The following TNXB variants were observed in gnomAD, a reference collection of about 807,000 sequenced individuals.
The protein encoded by TNXB is tenascin-X.
In TNXB, 183 loss-of-function variants were observed where a neutral mutation model predicts 340.5. The observed-to-expected ratio is 0.54, with a 90% CI of 0.48 to 0.61. TNXB has a LOEUF of 0.61. TNXB is among the 20% of genes least tolerant of loss of function. The pLI is 0.00. For synonymous variants in TNXB, 2,121 were observed against 2,314.5 expected (o/e 0.92, Z 2.40); for missense variants, 4,613 against 5,446.4 (o/e 0.85, Z 4.82).
At chr6:32,100,001 C>T (rs1582486177) in intron 1 of TNXB, among the ~76,000 whole-genome samples, 1 of 149,304 alleles carries the variant, frequency 6.7e-6, no homozygotes, top group Admixed American at 6.7e-5. Flanking sequence ...TCTGATATAC[C>T]GAAATTAATT....
chr6:32,096,241 A>G lies in TNXB; in HGVS notation c.1612T>C (p.Cys538Arg), dbSNP rs1359428163. 1 of 1,569,000 alleles carries G rather than the reference A, an allele frequency of 6.4e-7. No homozygotes were observed. Among genetic ancestry groups the G allele is most frequent in the South Asian group, 1.2e-5 (1 of 85,914 alleles). The change falls in exon 3 of 44, where the codon TGC becomes CGC. Residue 538 changes from cysteine to arginine, a missense_variant. By Grantham distance (180) the Cys-to-Arg change is radical. Coordinates refer to ENST00000644971, the MANE Select transcript of TNXB (RefSeq NM_001365276.2). The stretch of plus-strand genomic sequence containing the variant: ...TCACACACGCACACGCCATCCTCGC[A>G]AAGGCCGTGCCCACGGCAGTCCCCG... ...CPGDCRGHGL[C>R]EDGVCVCDAG... is the part of the protein sequence containing the mutation.
rs2071293 is a variant in TNXB at position 32,094,910 on chromosome 6, G to A, written c.2358+166C>T. ...AATGCTTGCTGGAGATGCTGCAGAG[G>A]CCTCAGTGCCCAGTGTCAAGCAGGC... On this transcript the variant is annotated intron_variant, in intron 4 of 43. Transcript: ENST00000644971. Among the ~76,000 whole-genome samples the A allele has an allele frequency of 0.25, 37,781 of 152,050 alleles. 6,023 individuals carry two copies. Among genetic ancestry groups the A allele is most frequent in the Admixed American group, 0.37 (5,611 of 15,286 alleles).
In TNXB at chr6:32,056,825, G is replaced by A; in HGVS notation, c.7904C>T (p.Thr2635Ile). The A allele has an allele frequency of 1.2e-6, 2 of 1,613,112 alleles. No individual in the cohort carries two copies. The highest frequency in any genetic ancestry group is 1.7e-6 in the Non-Finnish European group (2 of 1,179,834). The stretch of plus-strand genomic sequence containing the variant: ...GGAGTCAGGGGTGGCATCTGTCATG[G>A]TCAGCTCCCCCAGGCGAGGCTTGAT... ...PPIKPRLGEL[T>I]MTDATPDSLS... Residue 2635 changes from threonine (T) to isoleucine (I), a missense_variant, in exon 23 of 44, where the codon ACC becomes ATC. Physicochemically the swap from Thr to Ile is moderately conservative, Grantham distance 89 (BLOSUM62 -1). This residue lies in a region of TNXB where 4,327 missense variants were observed against 4,859.4 expected (regional missense o/e 0.89). Transcript: ENST00000644971.
intron 21 of TNXB, among the ~76,000 whole-genome samples, chr6:32,060,342 AAAG>A (rs1451943869): frequency 6.6e-6 from 1 of 151,826 alleles, no homozygotes; most frequent in Non-Finnish European, 1.5e-5. Flanking sequence ...CAAAAAAAAA[AAAG>A]AAGGAAATAA....
In TNXB at chr6:32,053,543, C is replaced by T. The variant is rs1320494782; in HGVS notation, c.8636G>A (p.Arg2879Lys). 1 of 1,613,588 alleles carries T rather than the reference C, an allele frequency of 6.2e-7. No individual in the cohort carries two copies. Among genetic ancestry groups the T allele is most frequent in the Admixed American group, 1.7e-5 (1 of 60,012 alleles). Residue 2879 changes from arginine to lysine, a missense_variant, in exon 25 of 44, where the codon AGG becomes AAG. Around this residue, in one of 7 missense-constraint regions of TNXB, gnomAD observed 4,327 missense variants for 4,859.4 expected, o/e 0.89. Transcript: ENST00000644971. Reference sequence around the variant, plus strand: ...CACCTTGGGCTGCCCATCCCCATTCCTGTACTGGACCAGGAAGTGGTCAAA... The same window carrying T: ...CACCTTGGGCTGCCCATCCCCATTCTTGTACTGGACCAGGAAGTGGTCAAA... ...GQFDHFLVQY[R>K]NGDGQPKVVR...
chr6:32,097,640 G>T lies in TNXB; in HGVS notation c.403+156C>A. The T allele has an allele frequency of 9.1e-7, 1 of 1,104,716 alleles. No homozygotes were observed. The highest frequency in any genetic ancestry group is 1.3e-6 in the Non-Finnish European group (1 of 798,218). 68.4% of individuals were successfully genotyped at this position (1,104,716 alleles called of 1,614,324 possible). ...TCGCATATGCTTTGGTTGACATGTA[G>T]CCCAGCTCTGCTCTCCAAGTTGTGT... is the stretch of plus-strand genomic sequence containing the variant. On this transcript the variant is annotated intron_variant, in intron 2 of 43. Coordinates refer to ENST00000644971, the MANE Select transcript of TNXB (RefSeq NM_001365276.2). This position sits in a 1 kb window ranked among gnomAD's most constrained non-coding sequence, Gnocchi z 5.9.
Position 32,097,110 on chromosome 6 carries a change from G to T in TNXB, c.743C>A (p.Ser248Tyr), listed in dbSNP as rs1379046673. 6.2e-6 allele frequency: 10 copies of T among 1,611,850 alleles called. No individual in the cohort carries two copies. In the South Asian group the frequency reaches 9.9e-5, roughly 16 times the overall value. Reference protein sequence around the residue: ...GFSGPDCSQRSCPRGCSQRGR... With the variant: ...GFSGPDCSQRYCPRGCSQRGR... ...CCTCTGGCTGCAACCTCGAGGGCAG[G>T]AGCGCTGGCTGCAGTCGGGGCCTGA... is the stretch of plus-strand genomic sequence containing the variant. The change falls in exon 3 of 44, where the codon TCC becomes TAC. Residue 248 changes from serine (S) to tyrosine (Y), a missense_variant. Coordinates refer to ENST00000644971, the MANE Select transcript of TNXB (RefSeq NM_001365276.2). This position sits in a 1 kb window ranked among gnomAD's most constrained non-coding sequence, Gnocchi z 5.9.
In TNXB at chr6:32,087,415, C is replaced by A; in HGVS notation, c.2780-1297G>T. The A allele has an allele frequency of 2.1e-6, 1 of 473,494 alleles. No individual in the cohort carries two copies. The highest frequency in any genetic ancestry group is 4.2e-6 in the Non-Finnish European group (1 of 237,942). 29.3% of individuals were successfully genotyped at this position (473,494 alleles called of 1,614,324 possible). A position where few individuals can be genotyped will look rare whatever the true frequency, so the allele number is the denominator to read the frequency against. The stretch of plus-strand genomic sequence containing the variant: ...GGGGCCCTCTGCAGGCGGCTGAGGC[C>A]GCCAGCGCAGCACCACGCGCTCGAA... On this transcript the variant is annotated intron_variant, in intron 6 of 43. Coordinates refer to ENST00000644971, the MANE Select transcript of TNXB (RefSeq NM_001365276.2). The surrounding 1 kb of genome is among the most constrained non-coding windows in gnomAD (Gnocchi z 9.0).
In TNXB at chr6:32,096,592, A is replaced by ACACGCAGCGG; in HGVS notation, c.1251_1260dup (p.Cys421ProfsTer23). ...TCGGTTCCAGTGTACCCCGGCCAGC[A>ACACGCAGCGG]CACGCAGCGGCCGTCCTCGCAGCGG... is the stretch of plus-strand genomic sequence containing the variant. On this transcript the variant is annotated frameshift_variant, in exon 3 of 44. Coordinates refer to ENST00000644971, the MANE Select transcript of TNXB (RefSeq NM_001365276.2). LOFTEE classifies it high-confidence loss of function. The ACACGCAGCGG allele has an allele frequency of 6.3e-7, 1 of 1,587,946 alleles. No individual in the cohort carries two copies. Among genetic ancestry groups the ACACGCAGCGG allele is most frequent in the Non-Finnish European group, 8.5e-7 (1 of 1,170,916 alleles).
chr6:32,065,251 T>G, intron 18 of TNXB, 134 bp from the exon 19 acceptor site: 1 of 836,284 alleles, frequency 1.2e-6, no homozygotes. Context: ...ATAATCATAA[T>G]CAGATTTTGT....
intron 18 of TNXB, among the ~76,000 whole-genome samples, chr6:32,066,399 AAATC>A (rs146024056): frequency 0.012 from 1,884 of 152,060 alleles, 14 homozygotes; most frequent in Middle Eastern, 0.027. Flanking sequence ...GTCTCAAAAA[AAATC>A]AATCAATCAA....
At chr6:32,048,064 C>G (rs963761372) in intron 29 of TNXB, 52 bp from the exon 30 acceptor site, 1 of 1,569,614 alleles carries the variant, frequency 6.4e-7, no homozygotes, top group Non-Finnish European at 8.7e-7. Context: ...AAAGGGGCCA[C>G]GGAGCTTCCT....
In TNXB at chr6:32,079,170, G is replaced by A; in HGVS notation, c.4238C>T (p.Pro1413Leu). 6.2e-7 allele frequency: 1 copy of A among 1,613,800 alleles called. No homozygotes were observed. Among genetic ancestry groups the A allele is most frequent in the African/African-American group, 1.3e-5 (1 of 75,040 alleles). Residue 1413 changes from proline to leucine, a missense_variant, in exon 11 of 44, where the codon CCC (proline) becomes CTC (leucine). Physicochemically the swap from Pro to Leu is moderately conservative, Grantham distance 98. Coordinates refer to ENST00000644971, the MANE Select transcript of TNXB (RefSeq NM_001365276.2). The surrounding 1 kb of genome is among the most constrained non-coding windows in gnomAD (Gnocchi z 7.1). Reference protein sequence around the residue: ...TVQYKDRDGRPRAVRVGGKES... With the variant: ...TVQYKDRDGRLRAVRVGGKES... The stretch of plus-strand genomic sequence containing the variant: ...CTTGCCCCCAACACGCACCGCCCGG[G>A]GCCGCCCATCCCTGTCCTTGTACTG...
Position 32,070,538 on chromosome 6 carries a change from TC to T in TNXB, c.4991-125del. 2 of 1,070,934 alleles carry T rather than the reference TC, an allele frequency of 1.9e-6. No homozygotes were observed. The highest frequency in any genetic ancestry group is 1.3e-6 in the Non-Finnish European group (1 of 764,902). The allele number at this position is 1,070,934 out of a possible 1,614,324, so 66.3% of individuals were successfully genotyped here. On this transcript the variant is annotated intron_variant, in intron 13 of 43. Transcript: ENST00000644971. The surrounding 1 kb of genome is among the most constrained non-coding windows in gnomAD (Gnocchi z 6.0). ...GCTTCCCCAAAATATTTCCATCACC[TC>T]CCATCCTCACCACCATCTCCGTCTG...
chr6:32,043,456 G>A lies in TNXB; in HGVS notation c.11631C>T (p.Val3877=), dbSNP rs1349532982. The A allele has an allele frequency of 5.2e-6, 3 of 571,776 alleles. No individual in the cohort carries two copies. The highest frequency in any genetic ancestry group is 5.8e-5 in the East Asian group (2 of 34,196). 35.4% of individuals were successfully genotyped at this position (571,776 alleles called of 1,614,324 possible). The change falls in exon 36 of 44, where the codon GTC becomes GTT. Residue 3877 remains valine (V), a synonymous_variant. Transcript: ENST00000644971. ...GCTCACCCCCAGGGGCTGTGACCTGGACGTCATAGGTGTCCACAGGATTCT... is the reference window on the plus strand; with the variant it reads ...GCTCACCCCCAGGGGCTGTGACCTGAACGTCATAGGTGTCCACAGGATTCT... ...PPQNPVDTYD[V]QVTAPGAPPL...
At position 32,049,443 on chromosome 6, in the gene TNXB, G is replaced by A. The variant is rs768193578; in HGVS notation, c.9584C>T (p.Ser3195Phe). Residue 3195 changes from serine (S) to phenylalanine (F), a missense_variant, in exon 28 of 44, where the codon TCC becomes TTC. By Grantham distance (155) the Ser-to-Phe change is radical. This residue lies in a region of TNXB where 4,327 missense variants were observed against 4,859.4 expected (regional missense o/e 0.89). Transcript: ENST00000644971. This position sits in a 1 kb window ranked among gnomAD's most constrained non-coding sequence, Gnocchi z 4.5. The part of the protein sequence containing the change: ...SWTVPQGRFD[S>F]FTVQYKDRDG... ...CCTGTCCTTGTACTGCACGGTGAAGGAGTCGAAGCGGCCCTGGGGGACGGT... is the reference window on the plus strand; with the variant it reads ...CCTGTCCTTGTACTGCACGGTGAAGAAGTCGAAGCGGCCCTGGGGGACGGT... 36 of 1,612,620 alleles carry A rather than the reference G, an allele frequency of 2.2e-5. 1 individual carries two copies. In the Middle Eastern group the frequency reaches 1.1e-3, roughly 51 times the overall value.
In TNXB at chr6:32,074,031, T is replaced by C. The variant is rs1452860157; in HGVS notation, c.4376-79A>G. 1 of 1,295,128 alleles carries C rather than the reference T, an allele frequency of 7.7e-7. No homozygotes were observed. Among genetic ancestry groups the C allele is most frequent in the South Asian group, 1.8e-5 (1 of 56,970 alleles). The allele number at this position is 1,295,128 out of a possible 1,614,324, so 80.2% of individuals were successfully genotyped here. A position where few individuals can be genotyped will look rare whatever the true frequency, so the allele number is the denominator to read the frequency against. On this transcript the variant is annotated intron_variant, in intron 11 of 43. Transcript: ENST00000644971. The surrounding 1 kb of genome is among the most constrained non-coding windows in gnomAD (Gnocchi z 5.5). ...TAATGATGTCTAGTTATTTATTTTT[T>C]ATTTTTTATTTTTGAGATGGAGTCT...
chr6:32,056,363 G>A (rs1462000328), intron 23 of TNXB, among the ~76,000 whole-genome samples, 189 bp from the exon 24 acceptor site: 1 of 152,084 alleles, frequency 6.6e-6, no homozygotes, highest in East Asian at 1.9e-4. Context: ...GTCAGCTGTG[G>A]GGGACCTGGG....
At chr6:32,103,354 T>C (rs959496958) in intron 1 of TNXB, among the ~76,000 whole-genome samples, 5 of 149,634 alleles carry the variant, frequency 3.3e-5, no homozygotes, top group East Asian at 2.0e-4. Flanking sequence ...CGCTTGAACC[T>C]GGGAGGCAAA....
Sources: allele counts gnomAD v4.1 joint callset (sites outside exome capture counted in the v4.1 genomes callset), GRCh38; gene constraint gnomAD v4.1.1; regional missense constraint gnomAD v4.1.1; non-coding constraint Gnocchi (gnomAD v3.1); transcripts MANE v1.5; gene names NCBI Gene and HGNC (gene_info 2026-07-23, HGNC 2026-07-21).